AGBL1: variants seen among roughly 807,000 people sequenced by gnomAD.
AGBL1 encodes AGBL carboxypeptidase 1, also known as cytosolic carboxypeptidase 4.
Under a neutral mutation model 118.9 loss-of-function variants are expected in AGBL1, and 130 were observed. That is an observed-to-expected ratio of 1.09 (90% CI 0.95 to 1.26). The LOEUF (loss-of-function observed/expected upper bound fraction) is 1.26, where lower values mean the gene tolerates loss of function less well. Among genes scored for constraint, AGBL1 ranks in the 50% most tolerant of loss-of-function variants. The probability of loss-of-function intolerance (pLI) is 0.00; values close to 1 mark genes in which losing one functional copy is unlikely to be tolerated. For synonymous variants in AGBL1, 555 were observed against 478.9 expected (o/e 1.16, Z -2.08); for missense variants, 1,584 against 1,298.1 (o/e 1.22, Z -3.38).
chr15:86,697,302 T>C (rs1346388933), intron 22 of AGBL1, among the ~76,000 whole-genome samples: 3 of 151,828 alleles, frequency 2.0e-5, no homozygotes, highest in African/African-American at 4.8e-5. Flanking sequence ...TTGAAATCTT[T>C]TTAAAGTCTT....
chr15:86,706,243 T>G (rs1364845300), intron 22 of AGBL1, among the ~76,000 whole-genome samples: 1 of 152,098 alleles, frequency 6.6e-6, no homozygotes, highest in South Asian at 2.1e-4. Context: ...TCATTTTTTA[T>G]TGTCACAATA....
At chr15:86,833,180 G>T (rs532821503) in intron 22 of AGBL1, among the ~76,000 whole-genome samples, 3 of 152,274 alleles carry the variant, frequency 2.0e-5, no homozygotes, top group African/African-American at 7.2e-5. Flanking sequence ...TTCAAGATGA[G>T]ATTTGGGTGG....
At chr15:86,722,484 T>A (rs1278784414) in intron 22 of AGBL1, among the ~76,000 whole-genome samples, 1 of 152,168 alleles carries the variant, frequency 6.6e-6, no homozygotes, top group Non-Finnish European at 1.5e-5. Flanking sequence ...ATCCCTTCCT[T>A]ACACCTTATA....
At chr15:86,939,004 C>T (rs951182427) in intron 23 of AGBL1, 7 of 152,308 alleles carry the variant, frequency 4.6e-5, no homozygotes, top group African/African-American at 1.4e-4. Flanking sequence ...TTCACTGTCA[C>T]ATCCTTCACA....
chr15:86,808,976 T>A (rs140160961), intron 22 of AGBL1, among the ~76,000 whole-genome samples: 6 of 152,268 alleles, frequency 3.9e-5, no homozygotes, highest in African/African-American at 1.4e-4. Context: ...TACTGATGAA[T>A]GGAAAAAGGC....
At chr15:86,534,112 T>TAAAAA (rs61563504) in intron 19 of AGBL1, among the ~76,000 whole-genome samples, 53 of 95,918 alleles carry the variant, frequency 5.5e-4, no homozygotes, top group South Asian at 8.3e-4. Context: ...TAAAGTATAA[T>TAAAAA]AAAAAAAAAA....
intron 3 of AGBL1, among the ~76,000 whole-genome samples, chr15:86,145,435 T>G (rs894258567): frequency 6.6e-6 from 1 of 152,196 alleles, no homozygotes; most frequent in African/African-American, 2.4e-5. Context: ...ATGCAGACAT[T>G]GCAAACGAGT....
intron 17 of AGBL1, among the ~76,000 whole-genome samples, chr15:86,365,164 G>A (rs1253473311): frequency 6.6e-6 from 1 of 151,842 alleles, no homozygotes; most frequent in Admixed American, 6.6e-5. Context: ...ACAAGCAGTA[G>A]TAACTGAAAA....
At chr15:86,574,680 C>T (rs928114220) in intron 21 of AGBL1, among the ~76,000 whole-genome samples, 1 of 142,806 alleles carries the variant, frequency 7.0e-6, no homozygotes, top group Non-Finnish European at 1.5e-5. Context: ...CAGGTTCAAG[C>T]GATTCTTCTG....
rs372359817 is a variant in AGBL1, at chr15:86,087,092, A to G, written c.51+7069A>G. 2.3e-4 allele frequency among the ~76,000 whole-genome samples: 35 copies of G among 152,338 alleles called. 1 individual carries two copies. Among genetic ancestry groups the G allele is most frequent in the African/African-American group, 8.4e-4 (35 of 41,588 alleles). On this transcript the variant is annotated intron_variant, in intron 1 of 22. Coordinates refer to ENST00000614907, the MANE Select transcript of AGBL1 (RefSeq NM_001386094.1). ...AATATCTATTAGCCACATAGATACC[A>G]TTAGCTAGCGAAAGCACTGGATATT...
At chr15:86,936,241 T>C (rs2080673369) in intron 23 of AGBL1, among the ~76,000 whole-genome samples, 1 of 120,348 alleles carries the variant, frequency 8.3e-6, no homozygotes, top group Non-Finnish European at 1.8e-5. Flanking sequence ...TGTGTATGTA[T>C]GTGTGTGTGT....
chr15:87,013,758 AAAG>A (rs2081584237), intron 24 of AGBL1, among the ~76,000 whole-genome samples: 1 of 152,110 alleles, frequency 6.6e-6, no homozygotes, highest in African/African-American at 2.4e-5. Context: ...GTCCTCATTT[AAAG>A]AAGTTCACTC....
intron 18 of AGBL1, among the ~76,000 whole-genome samples, chr15:86,459,065 G>A (rs192987050): frequency 6.6e-6 from 1 of 152,076 alleles, no homozygotes; most frequent in African/African-American, 2.4e-5. Flanking sequence ...ACAAATTATA[G>A]TTTGATCCAA....
At chr15:86,120,299 A>G (rs1014763021) in intron 1 of AGBL1, among the ~76,000 whole-genome samples, 1 of 152,290 alleles carries the variant, frequency 6.6e-6, no homozygotes, top group Admixed American at 6.5e-5. Context: ...TTGTCTTTGC[A>G]ACACTCTCCT....
In AGBL1 at chr15:86,667,234, G is replaced by GTATCTATCTATC. The variant is rs1323977258; in HGVS notation, c.2995-7036_2995-7035insCTATCTATCTAT. Among the ~76,000 whole-genome samples the GTATCTATCTATC allele has an allele frequency of 6.4e-3, 626 of 97,536 alleles. 6 individuals are homozygous for GTATCTATCTATC. The highest frequency in any genetic ancestry group is 0.034 in the South Asian group (118 of 3,428). 64.0% of individuals were successfully genotyped at this position (97,536 alleles called of 152,430 possible). On this transcript the variant is annotated intron_variant, in intron 21 of 22. Coordinates refer to ENST00000614907, the MANE Select transcript of AGBL1 (RefSeq NM_001386094.1). ...TGTATCTATGTATGTATGTATGTAT[G>GTATCTATCTATC]TATGTATGTATGTATGTATGTATCT...
intron 2 of AGBL1, 105 bp downstream of exon 2, chr15:86,142,172 T>C (rs978990255): frequency 4.1e-5 from 48 of 1,173,374 alleles, no homozygotes; most frequent in Non-Finnish European, 5.6e-5. Context: ...CTTGCTTCAG[T>C]TTCCTGTGAG....
intron 5 of AGBL1, among the ~76,000 whole-genome samples, chr15:86,167,677 G>A (rs1296005686): frequency 2.6e-5 from 4 of 152,242 alleles, no homozygotes; most frequent in South Asian, 4.1e-4. Flanking sequence ...AGAGGGTGCA[G>A]TGTCTGGAGA....
chr15:86,893,046 T>C (rs893321300), intron 22 of AGBL1, among the ~76,000 whole-genome samples: 4 of 152,150 alleles, frequency 2.6e-5, no homozygotes, highest in Non-Finnish European at 5.9e-5. Context: ...GTGTGGGCAA[T>C]GCTGCTAAAT....
chr15:86,744,230 A>T (rs1036937698), intron 22 of AGBL1, among the ~76,000 whole-genome samples: 6 of 152,278 alleles, frequency 3.9e-5, no homozygotes, highest in Middle Eastern at 6.8e-3. Flanking sequence ...TTGGAAATAA[A>T]AGTGGAAATG....
Sources: gnomAD v4.1 joint callset for allele counts (sites outside exome capture counted in the v4.1 genomes callset) on GRCh38, gnomAD v4.1.1 for gene constraint, MANE v1.5 for transcripts, NCBI Gene and HGNC (gene_info 2026-07-23, HGNC 2026-07-21) for gene names.